The following STIMATE variants were observed in gnomAD, a reference collection of about 807,000 sequenced individuals.
STIMATE encodes the protein store-operated calcium entry regulator STIMATE.
A neutral mutation model predicts 36.7 loss-of-function variants in STIMATE; 15 were observed. The ratio of observed to expected loss-of-function variants is 0.41; its 90% confidence interval spans 0.27 to 0.63. The LOEUF (loss-of-function observed/expected upper bound fraction) is 0.63, where lower values mean the gene tolerates loss of function less well. Ranked by LOEUF, STIMATE falls within the 20% of genes least tolerant of loss-of-function variation. The pLI, the probability that STIMATE is intolerant of heterozygous loss-of-function variation, is 0.32. For missense variants in STIMATE, 305 were observed against 397.3 expected (o/e 0.77, Z 1.98); for synonymous variants, 163 against 162.3 (o/e 1.00, Z -0.03).
chr3:52,888,647 G>A (rs1426668023), intron 1 of STIMATE, among the ~76,000 whole-genome samples: 1 of 152,128 alleles, frequency 6.6e-6, no homozygotes, highest in East Asian at 1.9e-4. Context: ...ATAACAAAAT[G>A]GAAAAGCCCA....
At chr3:52,840,699 TG>T (rs1257197371) in intron 7 of STIMATE, 89 bp from the exon 8 acceptor site, 408 of 952,466 alleles carry the variant, frequency 4.3e-4, no homozygotes, top group Admixed American at 5.5e-4. Context: ...TCAAGTCTCA[TG>T]TTTTTTTTTT....
At chr3:52,848,852 G>T (rs1397165006) in intron 4 of STIMATE, among the ~76,000 whole-genome samples, 2 of 152,220 alleles carry the variant, frequency 1.3e-5, no homozygotes, top group African/African-American at 4.8e-5. Flanking sequence ...TTAAGTCAGT[G>T]ACTCATCAGG....
intron 1 of STIMATE, among the ~76,000 whole-genome samples, chr3:52,867,414 A>G (rs1019065748): frequency 6.6e-6 from 1 of 152,226 alleles, no homozygotes; most frequent in Non-Finnish European, 1.5e-5. Flanking sequence ...TCAGTGCATG[A>G]GCAGGTTTCC....
intron 1 of STIMATE, among the ~76,000 whole-genome samples, chr3:52,873,071 G>A (rs1701435672): frequency 6.6e-6 from 1 of 152,204 alleles, no homozygotes; most frequent in Non-Finnish European, 1.5e-5. Context: ...TGGAGGTTTG[G>A]CCGAAGGCTG....
At position 52,849,352 on chromosome 3, in the gene STIMATE, C is replaced by A. The variant is rs1040091854; in HGVS notation, c.427+440G>T. ...CAACAGGACAAGCACAGATGTGCAG[C>A]AGAAAGAGGGGCAGGGCTTGCCACC... is the stretch of plus-strand genomic sequence containing the variant. On this transcript the variant is annotated intron_variant, in intron 4 of 7. Transcript: ENST00000355083. Among the ~76,000 whole-genome samples the A allele has an allele frequency of 2.0e-5, 3 of 152,210 alleles. No individual in the cohort carries two copies. The South Asian group carries it at 6.2e-4, about 31-fold the overall frequency.
chr3:52,870,102 G>A (rs1215581591), intron 1 of STIMATE, among the ~76,000 whole-genome samples: 4 of 152,110 alleles, frequency 2.6e-5, no homozygotes, highest in South Asian at 2.1e-4. Flanking sequence ...TTCAGCCTCC[G>A]GAGTAGCTGG....
At chr3:52,879,790 G>A (rs1701571364) in intron 1 of STIMATE, among the ~76,000 whole-genome samples, 1 of 152,198 alleles carries the variant, frequency 6.6e-6, no homozygotes, top group Non-Finnish European at 1.5e-5. Flanking sequence ...CATGCAGAGT[G>A]CATGGTAAGC....
chr3:52,847,356 G>C (rs1257445751), intron 4 of STIMATE: 3 of 1,225,528 alleles, frequency 2.4e-6, no homozygotes, highest in Non-Finnish European at 3.1e-6. Flanking sequence ...TCAAAAGGGA[G>C]AGTTTGGCCA....
intron 1 of STIMATE, among the ~76,000 whole-genome samples, chr3:52,863,240 G>T (rs531930334): frequency 6.6e-6 from 1 of 152,314 alleles, no homozygotes; most frequent in African/African-American, 2.4e-5. Flanking sequence ...AGAAAAAGAG[G>T]TTTAATTGGA....
intron 2 of STIMATE, among the ~76,000 whole-genome samples, chr3:52,853,132 T>C (rs1010216435): frequency 6.6e-6 from 1 of 152,082 alleles, no homozygotes; most frequent in Non-Finnish European, 1.5e-5. Flanking sequence ...ATTTAAACAA[T>C]GGGCTAGATC....
intron 1 of STIMATE, among the ~76,000 whole-genome samples, chr3:52,856,139 G>A (rs1304718131): frequency 6.6e-6 from 1 of 152,192 alleles, no homozygotes. Flanking sequence ...AATATCACAA[G>A]CCAACAGGTA....
chr3:52,888,007 T>G (rs1313701376), intron 1 of STIMATE, among the ~76,000 whole-genome samples: 4 of 139,548 alleles, frequency 2.9e-5, no homozygotes, highest in African/African-American at 1.1e-4. Flanking sequence ...TTTTTTTTTT[T>G]TTTTTTTTTT....
chr3:52,853,506 C>T (rs1006658002), intron 2 of STIMATE, among the ~76,000 whole-genome samples: 5 of 152,196 alleles, frequency 3.3e-5, no homozygotes, highest in African/African-American at 9.7e-5. Context: ...CTCTCACAGC[C>T]GCCCAGCTGG....
At chr3:52,893,387 TAA>T (rs1479782316) in intron 1 of STIMATE, among the ~76,000 whole-genome samples, 1 of 150,916 alleles carries the variant, frequency 6.6e-6, no homozygotes, top group Non-Finnish European at 1.5e-5. Flanking sequence ...AAAAAAAGCA[TAA>T]AGAGGTAAAG....
chr3:52,864,357 A>G (rs1559494141), intron 1 of STIMATE, among the ~76,000 whole-genome samples: 3 of 152,114 alleles, frequency 2.0e-5, no homozygotes, highest in South Asian at 2.1e-4. Flanking sequence ...TGAGCTCTAC[A>G]TTGACCCCTT....
In STIMATE at chr3:52,897,343, G is replaced by A; in HGVS notation, c.108C>T (p.Phe36=). ...RCESGALMHS[F]GIFLQGLLGV... is the part of the protein sequence containing the mutation. ...CGAGCAGCCCCTGCAGGAAGATGCCGAAGCTGTGCATGAGCGCGCCGCTCT... is the reference window on the plus strand; with the variant it reads ...CGAGCAGCCCCTGCAGGAAGATGCCAAAGCTGTGCATGAGCGCGCCGCTCT... The change falls in exon 1 of 8, where the codon TTC becomes TTT. Residue 36 remains phenylalanine (F), a synonymous_variant. Coordinates refer to ENST00000355083, the MANE Select transcript of STIMATE (RefSeq NM_198563.5). 6.5e-7 allele frequency: 1 copy of A among 1,545,946 alleles called. No individual in the cohort carries two copies. Among genetic ancestry groups the A allele is most frequent in the Non-Finnish European group, 8.7e-7 (1 of 1,153,578 alleles).
At chr3:52,888,674 G>A (rs1701733500) in intron 1 of STIMATE, among the ~76,000 whole-genome samples, 1 of 152,276 alleles carries the variant, frequency 6.6e-6, no homozygotes, top group East Asian at 1.9e-4. Context: ...ACACAGATGA[G>A]CTGAAGAGGC....
At chr3:52,865,742 T>C (rs1468420361) in intron 1 of STIMATE, among the ~76,000 whole-genome samples, 1 of 152,138 alleles carries the variant, frequency 6.6e-6, no homozygotes, top group Non-Finnish European at 1.5e-5. Flanking sequence ...CCATTATCAG[T>C]ACAAAATATA....
intron 1 of STIMATE, among the ~76,000 whole-genome samples, chr3:52,882,895 G>T (rs71299621): frequency 0.089 from 13,613 of 152,200 alleles, 770 homozygotes; most frequent in Non-Finnish European, 0.13. Context: ...ATAAACAGGG[G>T]ACGCCGAGAG....
Sources: allele counts gnomAD v4.1 joint callset (sites outside exome capture counted in the v4.1 genomes callset), GRCh38; gene constraint gnomAD v4.1.1; transcripts MANE v1.5; gene names NCBI Gene and HGNC (gene_info 2026-07-23, HGNC 2026-07-21).